STX18: variants seen among roughly 807,000 people sequenced by gnomAD.
STX18 encodes the protein syntaxin-18.
STX18 carries 40 observed loss-of-function variants against 50.1 expected under a neutral mutation model. That is an observed-to-expected ratio of 0.80 (90% confidence interval 0.62 to 1.04). The LOEUF is 1.04. Among genes scored for constraint, STX18 ranks in the 50% least tolerant of loss-of-function variants. STX18 has a pLI of 0.00. For synonymous variants in STX18, 158 were observed against 151.8 expected (o/e 1.04, Z -0.30); for missense variants, 410 against 415.8 (o/e 0.99, Z 0.12).
rs756980900 is a variant in STX18 at position 4,457,250 on chromosome 4, A to T, written c.438T>A (p.Cys146Ter). ...DFIEDYLKRV[C>*]KLYSEQRAIR... ...TGGCTCTCTGTTCTGAGTAAAGTTT[A>T]CATACTCCTGTTGCAGAAGAAAATA... Residue 146 changes from cysteine to a stop codon, truncating the protein, a stop_gained, in exon 5 of 11, where the codon TGT becomes TGA. Transcript: ENST00000306200. LOFTEE classifies it high-confidence loss of function. 2.5e-6 allele frequency: 4 copies of T among 1,614,086 alleles called. No individual in the cohort carries two copies. The East Asian group carries it at 6.7e-5, about 27-fold the overall frequency.
At chr4:4,421,475 G>A (rs534495345) in intron 9 of STX18, among the ~76,000 whole-genome samples, 10 of 152,112 alleles carry the variant, frequency 6.6e-5, no homozygotes, top group Non-Finnish European at 1.3e-4. Flanking sequence ...GGCTGGTCTT[G>A]AACTCTTGAG....
chr4:4,456,300 C>T lies in STX18; in HGVS notation c.497+891G>A, dbSNP rs551602369. On this transcript the variant is annotated intron_variant, in intron 5 of 10. Transcript: ENST00000306200. ...AAAAAAACAAAAAAGAAAATGTGTC[C>T]CCAAACAGTTATGTGATGTTATCTT... Among the ~76,000 whole-genome samples the T allele has an allele frequency of 2.6e-5, 4 of 152,184 alleles. No homozygotes were observed. The South Asian group carries it at 8.3e-4, about 32-fold the overall frequency.
At chr4:4,511,419 C>T (rs962776558) in intron 1 of STX18, among the ~76,000 whole-genome samples, 3 of 152,144 alleles carry the variant, frequency 2.0e-5, no homozygotes, top group Non-Finnish European at 4.4e-5. Flanking sequence ...GTGATTTCAT[C>T]TCTAATACAT....
At chr4:4,535,786 T>C (rs1397818205) in intron 1 of STX18, among the ~76,000 whole-genome samples, 1 of 152,240 alleles carries the variant, frequency 6.6e-6, no homozygotes, top group Non-Finnish European at 1.5e-5. Flanking sequence ...CTCCTGTCCT[T>C]CCTGCCTCTC....
intron 1 of STX18, among the ~76,000 whole-genome samples, chr4:4,514,987 A>G (rs1278600033): frequency 6.6e-6 from 1 of 152,152 alleles, no homozygotes; most frequent in African/African-American, 2.4e-5. Context: ...CATATTATCC[A>G]AGTTTCACAA....
chr4:4,422,244 A>G (rs1725007587), intron 9 of STX18, among the ~76,000 whole-genome samples: 1 of 152,168 alleles, frequency 6.6e-6, no homozygotes, highest in Non-Finnish European at 1.5e-5. Context: ...GGAAAAAACA[A>G]GAAAGACACA....
intron 1 of STX18, among the ~76,000 whole-genome samples, chr4:4,499,859 T>A (rs7669295): frequency 0.077 from 11,160 of 144,730 alleles, 1,326 homozygotes; most frequent in African/African-American, 0.26. Flanking sequence ...GCTTTTCAAA[T>A]CGACTTTTTT....
At chr4:4,511,713 A>AGTGTGTGTGTGTGT (rs3038434) in intron 1 of STX18, among the ~76,000 whole-genome samples, 61 of 137,504 alleles carry the variant, frequency 4.4e-4, no homozygotes, top group Middle Eastern at 3.7e-3. Flanking sequence ...ACTCATGATT[A>AGTGTGTGTGTGTGT]GTGTGTGTGT....
chr4:4,471,591 A>G, intron 2 of STX18, 48 bp downstream of exon 2: 1 of 1,308,232 alleles, frequency 7.6e-7, no homozygotes, highest in South Asian at 1.5e-5. Flanking sequence ...ATATAGGTGT[A>G]GAAAAGAACA....
intron 1 of STX18, among the ~76,000 whole-genome samples, chr4:4,540,150 A>T (rs1353658412): frequency 1.3e-5 from 2 of 151,892 alleles, no homozygotes. Flanking sequence ...TTTTAAAAGG[A>T]GGAGGAGAAA....
At chr4:4,458,448 T>G (rs774047714) in intron 3 of STX18, among the ~76,000 whole-genome samples, 1 of 152,194 alleles carries the variant, frequency 6.6e-6, no homozygotes, top group Non-Finnish European at 1.5e-5. Context: ...GAATGCCTAT[T>G]GCTTCCATCA....
intron 5 of STX18, among the ~76,000 whole-genome samples, chr4:4,439,313 T>C (rs1048770023): frequency 6.8e-6 from 1 of 147,280 alleles, no homozygotes; most frequent in Non-Finnish European, 1.5e-5. Flanking sequence ...CCCACACATA[T>C]ACACATACCA....
intron 7 of STX18, among the ~76,000 whole-genome samples, chr4:4,429,210 G>C (rs1340249000): frequency 6.6e-6 from 1 of 152,154 alleles, no homozygotes; most frequent in Non-Finnish European, 1.5e-5. Context: ...GAAGGGCTCA[G>C]AGCAGTACTT....
At chr4:4,512,803 G>A (rs1237957182) in intron 1 of STX18, among the ~76,000 whole-genome samples, 1 of 152,132 alleles carries the variant, frequency 6.6e-6, no homozygotes, top group Non-Finnish European at 1.5e-5. Context: ...GATGAAAACT[G>A]GGAATATTGT....
At chr4:4,495,563 C>CTTTTTT (rs35298335) in intron 1 of STX18, among the ~76,000 whole-genome samples, 10 of 129,972 alleles carry the variant, frequency 7.7e-5, no homozygotes, top group African/African-American at 1.8e-4. Context: ...TTTTTCTTTT[C>CTTTTTT]TTTTTTTTTT....
intron 1 of STX18, among the ~76,000 whole-genome samples, chr4:4,537,225 C>T (rs1731386109): frequency 6.6e-6 from 1 of 152,038 alleles, no homozygotes; most frequent in Non-Finnish European, 1.5e-5. Context: ...ATTATAAACT[C>T]CTGCATTTTC....
chr4:4,438,595 C>T (rs911888787), intron 5 of STX18, 86 bp from the exon 6 acceptor site: 28 of 1,093,266 alleles, frequency 2.6e-5, no homozygotes, highest in Admixed American at 5.9e-5. Context: ...TGTGACCCTG[C>T]GCTTTTGCTC....
intron 1 of STX18, among the ~76,000 whole-genome samples, chr4:4,493,719 T>A (rs1729047148): frequency 6.6e-6 from 1 of 152,220 alleles, no homozygotes. Context: ...TTGTTAATAA[T>A]GGTTTTAAAA....
intron 1 of STX18, among the ~76,000 whole-genome samples, chr4:4,517,272 C>G (rs2108901083): frequency 6.6e-6 from 1 of 152,296 alleles, no homozygotes; most frequent in South Asian, 2.1e-4. Context: ...GCTTCATTTT[C>G]TATTCCCAAA....
Sources: gnomAD v4.1 joint callset for allele counts (sites outside exome capture counted in the v4.1 genomes callset) on GRCh38, gnomAD v4.1.1 for gene constraint, MANE v1.5 for transcripts, NCBI Gene and HGNC (gene_info 2026-07-23, HGNC 2026-07-21) for gene names.